The following TAFA2 variants were observed in gnomAD, a reference collection of about 807,000 sequenced individuals.
TAFA2 encodes chemokine-like protein TAFA-2.
Under a neutral mutation model 18.8 loss-of-function variants are expected in TAFA2, and 7 were observed. The observed-to-expected ratio is 0.37, with a 90% CI of 0.21 to 0.70. TAFA2 has a LOEUF of 0.70. TAFA2 is among the 30% of genes least tolerant of loss of function. The pLI is 0.53. For missense variants in TAFA2, 122 were observed against 158.1 expected, an observed-to-expected ratio of 0.77 and a Z score of 1.23; for synonymous variants, 60 against 54.2, an observed-to-expected ratio of 1.11 and a Z score of -0.47.
chr12:62,117,967 C>A (rs1010211167), intron 1 of TAFA2, among the ~76,000 whole-genome samples: 2 of 151,782 alleles, frequency 1.3e-5, no homozygotes, highest in African/African-American at 4.8e-5. Flanking sequence ...ATTGTATGAC[C>A]CACTTTTATC....
intron 4 of TAFA2, among the ~76,000 whole-genome samples, chr12:61,728,459 C>A (rs1213747537): frequency 6.6e-6 from 1 of 151,916 alleles, no homozygotes; most frequent in Non-Finnish European, 1.5e-5. Flanking sequence ...TTGGACTAGT[C>A]TTTTTATCAC....
chr12:62,045,322 T>C (rs953745284), intron 1 of TAFA2, among the ~76,000 whole-genome samples: 3 of 152,198 alleles, frequency 2.0e-5, no homozygotes, highest in Admixed American at 1.3e-4. Flanking sequence ...CTGTTAATTA[T>C]CTGTATTAGT....
chr12:62,056,906 A>G (rs1040301135), intron 1 of TAFA2, among the ~76,000 whole-genome samples: 2 of 152,254 alleles, frequency 1.3e-5, no homozygotes, highest in African/African-American at 4.8e-5. Context: ...AAAGTTAGCT[A>G]GCATTTTGTT....
chr12:61,828,031 C>T (rs1235814679), intron 2 of TAFA2, among the ~76,000 whole-genome samples: 1 of 151,984 alleles, frequency 6.6e-6, no homozygotes, highest in East Asian at 1.9e-4. Context: ...ATGTTTTTGA[C>T]CTCAGTAACA....
chr12:62,096,604 T>C (rs1592332863), intron 1 of TAFA2, among the ~76,000 whole-genome samples: 1 of 152,262 alleles, frequency 6.6e-6, no homozygotes, highest in African/African-American at 2.4e-5. Flanking sequence ...CAGAATAAGA[T>C]AAATGACCAC....
chr12:61,720,847 C>A (rs1169125173), intron 4 of TAFA2: 3 of 501,086 alleles, frequency 6.0e-6, no homozygotes, highest in Non-Finnish European at 1.2e-5. Flanking sequence ...GTGGAGAAAT[C>A]AAAAATTGTC....
chr12:61,797,312 T>C (rs1871227610), intron 2 of TAFA2, among the ~76,000 whole-genome samples: 1 of 152,072 alleles, frequency 6.6e-6, no homozygotes, highest in Admixed American at 6.6e-5. Flanking sequence ...CAGCTACCAG[T>C]AACAGCATCT....
At chr12:61,929,133 T>A (rs565417855) in intron 1 of TAFA2, among the ~76,000 whole-genome samples, 1 of 150,006 alleles carries the variant, frequency 6.7e-6, no homozygotes, top group South Asian at 2.1e-4. Context: ...GTTCTGCACA[T>A]GTATCCCCAA....
intron 1 of TAFA2, among the ~76,000 whole-genome samples, chr12:62,232,088 T>C (rs962980050): frequency 3.9e-5 from 6 of 152,168 alleles, no homozygotes; most frequent in Non-Finnish European, 7.3e-5. Flanking sequence ...ATACAAAATA[T>C]TTCTTGCAGG....
chr12:62,240,014 TA>T (rs2062854952), intron 1 of TAFA2, among the ~76,000 whole-genome samples: 1 of 151,828 alleles, frequency 6.6e-6, no homozygotes, highest in Non-Finnish European at 1.5e-5. Flanking sequence ...AGAAAGAGTA[TA>T]AAAAATGTTT....
chr12:62,091,138 G>A (rs1868693866), intron 1 of TAFA2, among the ~76,000 whole-genome samples: 1 of 151,910 alleles, frequency 6.6e-6, no homozygotes, highest in Admixed American at 6.6e-5. Flanking sequence ...CAAAAAAGTT[G>A]GTTTGAAGTC....
chr12:62,225,276 CT>C (rs2062781293), intron 1 of TAFA2, among the ~76,000 whole-genome samples: 1 of 152,128 alleles, frequency 6.6e-6, no homozygotes, highest in Non-Finnish European at 1.5e-5. Context: ...AGAATGACTA[CT>C]TTAGCAAATG....
intron 1 of TAFA2, among the ~76,000 whole-genome samples, chr12:62,124,891 G>C (rs1304399079): frequency 1.3e-5 from 2 of 152,038 alleles, no homozygotes; most frequent in African/African-American, 4.8e-5. Context: ...TGTTGTAAAG[G>C]GTCAATCAAG....
intron 1 of TAFA2, among the ~76,000 whole-genome samples, chr12:62,117,363 T>G (rs73123997): frequency 1.9e-4 from 29 of 152,274 alleles, no homozygotes; most frequent in Non-Finnish European, 2.8e-4. Flanking sequence ...TAGTTTTAAT[T>G]TTGCTATTCT....
At chr12:62,035,738 T>C (rs1290710667) in intron 1 of TAFA2, among the ~76,000 whole-genome samples, 2 of 125,616 alleles carry the variant, frequency 1.6e-5, no homozygotes, top group Non-Finnish European at 1.7e-5. Flanking sequence ...TCTTTCTTTT[T>C]TTTTTTTTTT....
At chr12:61,885,369 G>A (rs1875331041) in intron 1 of TAFA2, among the ~76,000 whole-genome samples, 1 of 152,190 alleles carries the variant, frequency 6.6e-6, no homozygotes, top group Admixed American at 6.5e-5. Flanking sequence ...GTGCCAGGGT[G>A]CAGGGCAGCT....
At chr12:62,092,657 G>GATTTGAA (rs1413903250) in intron 1 of TAFA2, among the ~76,000 whole-genome samples, 1 of 151,934 alleles carries the variant, frequency 6.6e-6, no homozygotes, top group Non-Finnish European at 1.5e-5. Flanking sequence ...TCTAGAAAAG[G>GATTTGAA]ATTTGAAATA....
chr12:62,178,954 G>A (rs1399338400), intron 1 of TAFA2, among the ~76,000 whole-genome samples: 4 of 152,148 alleles, frequency 2.6e-5, no homozygotes, highest in African/African-American at 9.7e-5. Context: ...CTGTCTGTAT[G>A]ATTTTTACCT....
chr12:61,855,858 A>C (rs2121176852), intron 2 of TAFA2, among the ~76,000 whole-genome samples: 1 of 152,250 alleles, frequency 6.6e-6, no homozygotes, highest in Non-Finnish European at 1.5e-5. Flanking sequence ...ACAGAAAATA[A>C]TGATCCAACT....
Sources: allele counts gnomAD v4.1 joint callset (sites outside exome capture counted in the v4.1 genomes callset), GRCh38; gene constraint gnomAD v4.1.1; transcripts MANE v1.5; gene names NCBI Gene and HGNC (gene_info 2026-07-23, HGNC 2026-07-21).